DPYSL2: variants seen among roughly 807,000 people sequenced by gnomAD.
DPYSL2 encodes dihydropyrimidinase like 2.
Under a neutral mutation model 69.9 loss-of-function variants are expected in DPYSL2, and 13 were observed. The observed-to-expected ratio is 0.19, with a 90% CI of 0.12 to 0.30. DPYSL2 has a LOEUF of 0.30. Ranked by LOEUF, DPYSL2 falls within the 10% of genes least tolerant of loss-of-function variation. The pLI is 1.00. For synonymous variants in DPYSL2, 326 were observed against 359.1 expected, an observed-to-expected ratio of 0.91 and a Z score of 1.04; for missense variants, 587 against 918.9, an observed-to-expected ratio of 0.64 and a Z score of 4.67.
chr8:26,602,731 G>A (rs747290254), intron 3 of DPYSL2, among the ~76,000 whole-genome samples: 26 of 152,292 alleles, frequency 1.7e-4, no homozygotes, highest in African/African-American at 5.1e-4. Context: ...GCTGATCTGG[G>A]CATTAGAAGT....
At position 26,627,061 on chromosome 8, in the gene DPYSL2, A is replaced by G. The variant is rs1293463653; in HGVS notation, c.856-154A>G. On this transcript the variant is annotated intron_variant, in intron 5 of 13. Transcript: ENST00000521913. The surrounding 1 kb of genome is among the most constrained non-coding windows in gnomAD (Gnocchi z 6.9). ...TTCTCCATCAAATGTGGCCAGTAAC[A>G]TTGCCCTCATCATATCAAAAAAAGT... is the stretch of plus-strand genomic sequence containing the variant. Among the ~76,000 whole-genome samples the G allele has an allele frequency of 6.6e-6, 1 of 152,198 alleles. No homozygotes were observed. The highest frequency in any genetic ancestry group is 1.5e-5 in the Non-Finnish European group (1 of 68,044).
chr8:26,653,359 C>T lies in DPYSL2; in HGVS notation c.1904C>T (p.Pro635Leu), dbSNP rs1477368874. The T allele has an allele frequency of 2.5e-6, 4 of 1,613,988 alleles. No homozygotes were observed. The highest frequency in any genetic ancestry group is 1.6e-4 in the Middle Eastern group (1 of 6,084). ...KTSPAKQQAP[P>L]VRNLHQSGFS... ...TCTCCTGCCAAGCAGCAGGCCCCAC[C>T]TGTCCGGAACCTGCACCAGTCTGGA... The change falls in exon 13 of 14, where the codon CCT becomes CTT. Residue 635 changes from proline to leucine, a missense_variant. Pro to Leu is a moderately conservative substitution (Grantham distance 98, BLOSUM62 -3). Around this residue, in one of 3 missense-constraint regions of DPYSL2, gnomAD observed 452 missense variants for 754.3 expected, o/e 0.60. Coordinates refer to ENST00000521913, the MANE Select transcript of DPYSL2 (RefSeq NM_001197293.3). This position sits in a 1 kb window ranked among gnomAD's most constrained non-coding sequence, Gnocchi z 5.7.
At position 26,580,899 on chromosome 8, in the gene DPYSL2, A is replaced by G. The variant is rs1010952478; in HGVS notation, c.355-1070A>G. 6.6e-6 allele frequency among the ~76,000 whole-genome samples: 1 copy of G among 152,222 alleles called. No homozygotes were observed. The highest frequency in any genetic ancestry group is 1.5e-5 in the Non-Finnish European group (1 of 68,034). The stretch of plus-strand genomic sequence containing the variant: ...CCTTCCATCAGCAGCATTTGCAATA[A>G]CGATGAGTCATAATGTAGCATTTCT... On this transcript the variant is annotated intron_variant, in intron 1 of 13. Transcript: ENST00000521913. The surrounding 1 kb of genome is among the most constrained non-coding windows in gnomAD (Gnocchi z 4.1).
rs957086621 is a variant in DPYSL2 at position 26,586,613 on chromosome 8, C to T, written c.628+2630C>T. The stretch of plus-strand genomic sequence containing the variant: ...TTGCCACCACCCCGAATTTCTCTTT[C>T]GTCTTCCCCCTCAGAGGCTGTGGCC... On this transcript the variant is annotated intron_variant, in intron 3 of 13. Coordinates refer to ENST00000521913, the MANE Select transcript of DPYSL2 (RefSeq NM_001197293.3). The surrounding 1 kb of genome is among the most constrained non-coding windows in gnomAD (Gnocchi z 4.7). 7.9e-5 allele frequency among the ~76,000 whole-genome samples: 12 copies of T among 152,192 alleles called. No individual in the cohort carries two copies. The highest frequency in any genetic ancestry group is 2.4e-4 in the African/African-American group (10 of 41,452).
Position 26,653,403 on chromosome 8 carries a change from G to T in DPYSL2, c.1942+6G>T, listed in dbSNP as rs768436620. On this transcript the variant is annotated splice_donor_region_variant and intron_variant, in intron 13 of 13. Coordinates refer to ENST00000521913, the MANE Select transcript of DPYSL2 (RefSeq NM_001197293.3). The surrounding 1 kb of genome is among the most constrained non-coding windows in gnomAD (Gnocchi z 5.7). ...GTCTGGATTCAGTTTGTCTGGTAGGGTTGGGGCTTGGGGAGGGCACAGTTC... is the reference window on the plus strand; with the variant it reads ...GTCTGGATTCAGTTTGTCTGGTAGGTTTGGGGCTTGGGGAGGGCACAGTTC... 2.5e-6 allele frequency: 4 copies of T among 1,611,516 alleles called. No homozygotes were observed. Among genetic ancestry groups the T allele is most frequent in the East Asian group, 2.2e-5 (1 of 44,814 alleles).
At chr8:26,515,532 G>A (rs1183875994) in intron 1 of DPYSL2, among the ~76,000 whole-genome samples, 1 of 152,168 alleles carries the variant, frequency 6.6e-6, no homozygotes, top group Non-Finnish European at 1.5e-5. Context: ...GTGTTAATGG[G>A]GGAAACAAAG....
At chr8:26,519,292 G>C (rs1043821157) in intron 1 of DPYSL2, among the ~76,000 whole-genome samples, 13 of 152,188 alleles carry the variant, frequency 8.5e-5, no homozygotes, top group African/African-American at 2.9e-4. Flanking sequence ...GTCAGAGCTT[G>C]CAAGAGACCT....
chr8:26,575,335 G>A (rs1424707429), intron 1 of DPYSL2, among the ~76,000 whole-genome samples: 1 of 151,948 alleles, frequency 6.6e-6, no homozygotes, highest in Non-Finnish European at 1.5e-5. Flanking sequence ...TGTGAGGCCT[G>A]TTTACCTGTG....
rs1260330175 is a variant in DPYSL2 at position 26,617,676 on chromosome 8, G to A, written c.629-6467G>A. Among the ~76,000 whole-genome samples, 1 of 152,172 alleles carries A rather than the reference G, an allele frequency of 6.6e-6. No homozygotes were observed. The highest frequency in any genetic ancestry group is 2.4e-5 in the African/African-American group (1 of 41,436). On this transcript the variant is annotated intron_variant, in intron 3 of 13. Coordinates refer to ENST00000521913, the MANE Select transcript of DPYSL2 (RefSeq NM_001197293.3). The surrounding 1 kb of genome is among the most constrained non-coding windows in gnomAD (Gnocchi z 4.7). ...CCGCTTGAGGCAGGAGGGGAAGGAA[G>A]CACTGATTCTCGCTGCAGCATGGAT...
chr8:26,608,420 T>TA (rs898398669), intron 3 of DPYSL2, among the ~76,000 whole-genome samples: 12 of 152,288 alleles, frequency 7.9e-5, no homozygotes, highest in African/African-American at 2.6e-4. Flanking sequence ...AGGAGTTTTA[T>TA]AAAAAACAAA....
Position 26,643,247 on chromosome 8 carries a change from C to A in DPYSL2, c.1127-192C>A, listed in dbSNP as rs576092122. 2.4e-5 allele frequency: 13 copies of A among 535,738 alleles called. 1 individual carries two copies. Among genetic ancestry groups the A allele is most frequent in the Middle Eastern group, 9.6e-4 (2 of 2,082 alleles). The allele number at this position is 535,738 out of a possible 1,614,324, so 33.2% of individuals were successfully genotyped here. ...GGGCTGAAGGTGGAATCTTGGGGAGCTCATGACAGGCTGGCAGAGGTACTG... is the reference window on the plus strand; with the variant it reads ...GGGCTGAAGGTGGAATCTTGGGGAGATCATGACAGGCTGGCAGAGGTACTG... On this transcript the variant is annotated intron_variant, in intron 8 of 13. Coordinates refer to ENST00000521913, the MANE Select transcript of DPYSL2 (RefSeq NM_001197293.3). The surrounding 1 kb of genome is among the most constrained non-coding windows in gnomAD (Gnocchi z 6.5).
chr8:26,577,716 G>C (rs566864457), intron 1 of DPYSL2: 6 of 798,890 alleles, frequency 7.5e-6, no homozygotes, highest in South Asian at 5.7e-5. Flanking sequence ...GAAAGCGCGC[G>C]AAAGGCGCGC....
intron 11 of DPYSL2, among the ~76,000 whole-genome samples, chr8:26,651,982 T>A (rs941656626): frequency 1.3e-5 from 2 of 152,258 alleles, no homozygotes; most frequent in Non-Finnish European, 2.9e-5. Context: ...TTCTTTATAT[T>A]TGTGTAGCAT....
chr8:26,633,670 T>G (rs1802833712), intron 7 of DPYSL2, among the ~76,000 whole-genome samples: 1 of 152,062 alleles, frequency 6.6e-6, no homozygotes, highest in African/African-American at 2.4e-5. Context: ...GAGACAGAGT[T>G]TCACCATGTT....
rs1801458739 is a variant in DPYSL2 at position 26,580,137 on chromosome 8, G to C, written c.355-1832G>C. 6.6e-6 allele frequency among the ~76,000 whole-genome samples: 1 copy of C among 152,086 alleles called. No individual in the cohort carries two copies. Among genetic ancestry groups the C allele is most frequent in the African/African-American group, 2.4e-5 (1 of 41,388 alleles). ...ATCATGTTGGCTCGGGATATTCGCG[G>C]TGATGGCTGGGGCAGGTACCACAGT... On this transcript the variant is annotated intron_variant, in intron 1 of 13. Transcript: ENST00000521913. This position sits in a 1 kb window ranked among gnomAD's most constrained non-coding sequence, Gnocchi z 4.1.
intron 10 of DPYSL2, among the ~76,000 whole-genome samples, chr8:26,645,620 G>A (rs1342807492): frequency 6.6e-6 from 1 of 152,146 alleles, no homozygotes; most frequent in Non-Finnish European, 1.5e-5. Context: ...TGCGATCTCA[G>A]CTCACTGCAA....
intron 3 of DPYSL2, among the ~76,000 whole-genome samples, chr8:26,595,952 G>T (rs11990271): frequency 0.37 from 56,399 of 151,878 alleles, 12,710 homozygotes; most frequent in East Asian, 0.69. Context: ...TGCTTCAGCT[G>T]GGAGTTTGTT....
At position 26,564,067 on chromosome 8, in the gene DPYSL2, T is replaced by A. The variant is rs1013499557; in HGVS notation, c.355-17902T>A. 3.9e-5 allele frequency among the ~76,000 whole-genome samples: 6 copies of A among 152,196 alleles called. 1 individual carries two copies. Among genetic ancestry groups the A allele is most frequent in the Admixed American group, 3.9e-4 (6 of 15,282 alleles). On this transcript the variant is annotated intron_variant, in intron 1 of 13. Coordinates refer to ENST00000521913, the MANE Select transcript of DPYSL2 (RefSeq NM_001197293.3). This position sits in a 1 kb window ranked among gnomAD's most constrained non-coding sequence, Gnocchi z 4.8. Reference sequence around the variant, plus strand: ...GTGAAAAGAGCCAGAAAAAAAGGCATCACAGAAGCGAGGGAGGGGAATTTG... The same window carrying A: ...GTGAAAAGAGCCAGAAAAAAAGGCAACACAGAAGCGAGGGAGGGGAATTTG...
intron 1 of DPYSL2, among the ~76,000 whole-genome samples, chr8:26,523,949 T>G (rs533027489): frequency 6.6e-6 from 1 of 152,386 alleles, no homozygotes; most frequent in African/African-American, 2.4e-5. Context: ...GTTATCCATC[T>G]TTTAGTTCTT....
Sources: gnomAD v4.1 joint callset for allele counts (sites outside exome capture counted in the v4.1 genomes callset) on GRCh38, gnomAD v4.1.1 for gene constraint, gnomAD v4.1.1 regional missense constraint, Gnocchi (gnomAD v3.1) non-coding constraint, MANE v1.5 for transcripts, NCBI Gene and HGNC (gene_info 2026-07-23, HGNC 2026-07-21) for gene names.